The following TXNDC16 variants were observed in gnomAD, a reference collection of about 807,000 sequenced individuals.
TXNDC16 encodes the protein thioredoxin domain-containing protein 16.
TXNDC16 carries 74 observed loss-of-function variants against 85.6 expected under a neutral mutation model. The observed-to-expected ratio is 0.86, with a 90% CI of 0.72 to 1.05. The LOEUF (loss-of-function observed/expected upper bound fraction) is 1.05. Ranked by LOEUF, TXNDC16 falls within the 50% of genes least tolerant of loss-of-function variation. TXNDC16 has a pLI of 0.00. For synonymous variants in TXNDC16, 335 were observed against 326.5 expected, an observed-to-expected ratio of 1.03 and a Z score of -0.28; for missense variants, 959 against 947.0, an observed-to-expected ratio of 1.01 and a Z score of -0.17.
chr14:52,440,253 A>AAC (rs1293029695), intron 19 of TXNDC16, among the ~76,000 whole-genome samples: 6 of 152,234 alleles, frequency 3.9e-5, no homozygotes, highest in Admixed American at 1.3e-4. Flanking sequence ...CAGAAAAAGG[A>AAC]ACTGAAGGAA....
In TXNDC16 at chr14:52,438,574, T is replaced by C. The variant is rs573562907; in HGVS notation, c.2194+630A>G. Among the ~76,000 whole-genome samples the C allele has an allele frequency of 2.0e-5, 3 of 152,350 alleles. No individual in the cohort carries two copies. In the South Asian group the frequency reaches 6.2e-4, roughly 32 times the overall value. On this transcript the variant is annotated intron_variant, in intron 20 of 20. Coordinates refer to ENST00000281741, the MANE Select transcript of TXNDC16 (RefSeq NM_020784.3). Reference sequence around the variant, plus strand: ...ATTACACATTTAATAGACTTCAGTATAGTGTAAACATAACTTTTATATATA... The same window carrying C: ...ATTACACATTTAATAGACTTCAGTACAGTGTAAACATAACTTTTATATATA...
At chr14:52,515,003 GA>G (rs767699075) in intron 7 of TXNDC16, 33 bp from the exon 8 acceptor site, 3 of 1,527,020 alleles carry the variant, frequency 2.0e-6, no homozygotes, top group South Asian at 2.3e-5. Context: ...TGGAAGACAG[GA>G]AAAAATAGTT....
intron 9 of TXNDC16, among the ~76,000 whole-genome samples, chr14:52,498,493 C>T (rs1158615068): frequency 4.0e-5 from 6 of 151,572 alleles, no homozygotes; most frequent in Non-Finnish European, 8.8e-5. Flanking sequence ...AATCAGCATA[C>T]AAAAATCAGT....
rs754713224 is a variant in TXNDC16, at chr14:52,519,228, G to A, written c.458C>T (p.Ala153Val). Residue 153 changes from alanine (A) to valine (V), a missense_variant, in exon 7 of 21, where the codon GCT becomes GTT. Physicochemically the swap from Ala to Val is moderately conservative, Grantham distance 64. Transcript: ENST00000281741. Reference sequence around the variant, plus strand: ...TATAATATTTGCTTTTCCTTTCAGAGCATTTTCTATGTTCTGAAGGTCTTC... The same window carrying A: ...TATAATATTTGCTTTTCCTTTCAGAACATTTTCTATGTTCTGAAGGTCTTC... Reference protein sequence around the residue: ...NLEDLQNIENALKGKANIIFS... With the variant: ...NLEDLQNIENVLKGKANIIFS... 141 of 1,608,030 alleles carry A rather than the reference G, an allele frequency of 8.8e-5. No individual in the cohort carries two copies. Among genetic ancestry groups the A allele is most frequent in the Non-Finnish European group, 1.1e-4 (129 of 1,175,982 alleles).
At chr14:52,547,931 T>C (rs916270733) in intron 1 of TXNDC16, among the ~76,000 whole-genome samples, 4 of 152,260 alleles carry the variant, frequency 2.6e-5, no homozygotes, top group African/African-American at 9.6e-5. Flanking sequence ...GTTAAAATTA[T>C]ACATCTCACT....
intron 15 of TXNDC16, 140 bp from the exon 16 acceptor site, chr14:52,470,313 T>A: frequency 1.1e-6 from 1 of 919,384 alleles, no homozygotes; most frequent in Non-Finnish European, 1.6e-6. Flanking sequence ...ATATTATTCT[T>A]AAAGAAAATC....
At chr14:52,477,865 C>G (rs1263331838) in intron 14 of TXNDC16, among the ~76,000 whole-genome samples, 1 of 152,092 alleles carries the variant, frequency 6.6e-6, no homozygotes, top group Non-Finnish European at 1.5e-5. Flanking sequence ...CCAACAACCA[C>G]AGAATATACA....
At chr14:52,441,601 T>A (rs1314242415) in intron 18 of TXNDC16, among the ~76,000 whole-genome samples, 1 of 148,544 alleles carries the variant, frequency 6.7e-6, no homozygotes, top group Non-Finnish European at 1.5e-5. Flanking sequence ...AGAGTGAGAC[T>A]CTCAAAAAAA....
intron 6 of TXNDC16, 79 bp from the exon 7 acceptor site, chr14:52,519,372 C>T: frequency 9.4e-7 from 1 of 1,069,478 alleles, no homozygotes; most frequent in South Asian, 1.7e-5. Context: ...AAGAACCTAA[C>T]CAAAAGAGAA....
intron 16 of TXNDC16, among the ~76,000 whole-genome samples, chr14:52,465,591 CA>C (rs11411206): frequency 0.055 from 4,863 of 88,848 alleles, 239 homozygotes; most frequent in African/African-American, 0.18. Context: ...GACTCCATCT[CA>C]AAAAAAAAAA....
rs1472374246 is a variant in TXNDC16 at position 52,508,308 on chromosome 14, T to TG, written c.756+2931dup. ...GACATTTATGCAGCCAAAAGACACA[T>TG]GAAAAAATGCTCACCATCACTGGCC... On this transcript the variant is annotated intron_variant, in intron 9 of 20. Coordinates refer to ENST00000281741, the MANE Select transcript of TXNDC16 (RefSeq NM_020784.3). 3.9e-5 allele frequency among the ~76,000 whole-genome samples: 6 copies of TG among 152,158 alleles called. No individual in the cohort carries two copies. The East Asian group carries it at 1.2e-3, about 29-fold the overall frequency.
chr14:52,440,702 A>T lies in TXNDC16; in HGVS notation c.1865T>A (p.Leu622His). 1 of 1,606,912 alleles carries T rather than the reference A, an allele frequency of 6.2e-7. No homozygotes were observed. ...EMFPEITVEN[L>H]PSYFRLQKPL... ...TTTCTGAAGTCTGAAATAACTGGGA[A>T]GATTTTCCACAGTGATTTCCGGCTG... The change falls in exon 19 of 21, where the codon CTT becomes CAT. Residue 622 changes from leucine to histidine, a missense_variant. Transcript: ENST00000281741.
intron 6 of TXNDC16, among the ~76,000 whole-genome samples, chr14:52,530,475 TTATATATA>T (rs2037522767): frequency 2.5e-4 from 3 of 11,774 alleles, no homozygotes; most frequent in Admixed American, 1.8e-3. Flanking sequence ...TTATATATTA[TTATATATA>T]ATATTATATA....
intron 11 of TXNDC16, among the ~76,000 whole-genome samples, chr14:52,489,695 T>C (rs954673261): frequency 6.6e-6 from 1 of 152,196 alleles, no homozygotes; most frequent in Non-Finnish European, 1.5e-5. Context: ...GTGGACACAC[T>C]TGTATAACCA....
At chr14:52,539,335 A>AGG (rs151161863) in intron 4 of TXNDC16, among the ~76,000 whole-genome samples, 1 of 152,208 alleles carries the variant, frequency 6.6e-6, no homozygotes, top group African/African-American at 2.4e-5. Context: ...TTCTAAGCAG[A>AGG]GGGGAAAATA....
chr14:52,505,907 C>A (rs557891784), intron 9 of TXNDC16, among the ~76,000 whole-genome samples: 65 of 152,282 alleles, frequency 4.3e-4, no homozygotes, highest in African/African-American at 1.5e-3. Flanking sequence ...ACCGATCCCA[C>A]AGAAATAAAA....
intron 18 of TXNDC16, among the ~76,000 whole-genome samples, chr14:52,455,035 C>A (rs993826301): frequency 6.6e-6 from 1 of 152,176 alleles, no homozygotes; most frequent in Non-Finnish European, 1.5e-5. Context: ...GCTGGGCAGG[C>A]TGACCTTCCA....
intron 18 of TXNDC16, among the ~76,000 whole-genome samples, chr14:52,451,684 A>C (rs1045356818): frequency 1.3e-5 from 2 of 152,136 alleles, no homozygotes; most frequent in African/African-American, 4.8e-5. Flanking sequence ...TGGGTACAGA[A>C]GGAATATACC....
chr14:52,522,805 T>A (rs2037238961), intron 6 of TXNDC16, among the ~76,000 whole-genome samples: 1 of 152,190 alleles, frequency 6.6e-6, no homozygotes, highest in Non-Finnish European at 1.5e-5. Context: ...CAGACCCAGA[T>A]TCTAGGGCTT....
Sources: allele counts gnomAD v4.1 joint callset (sites outside exome capture counted in the v4.1 genomes callset), GRCh38; gene constraint gnomAD v4.1.1; transcripts MANE v1.5; gene names NCBI Gene and HGNC (gene_info 2026-07-23, HGNC 2026-07-21).